CASK: variants seen among roughly 807,000 people sequenced by gnomAD.
CASK encodes calcium/calmodulin dependent serine protein kinase, also known as peripheral plasma membrane protein CASK.
Under a neutral mutation model 82.9 loss-of-function variants are expected in CASK, and 4 were observed. The observed-to-expected ratio is 0.05, with a 90% CI of 0.02 to 0.11. CASK has a LOEUF of 0.11. CASK is among the 10% of genes least tolerant of loss of function. The probability of loss-of-function intolerance (pLI) is 1.00; values close to 1 mark genes in which losing one functional copy is unlikely to be tolerated. For missense variants in CASK, 358 were observed against 720.9 expected, an observed-to-expected ratio of 0.50 and a Z score of 5.76; for synonymous variants, 259 against 253.5, an observed-to-expected ratio of 1.02 and a Z score of -0.20.
chrX:41,754,128 T>G (rs1175187497), intron 3 of CASK, among the ~76,000 whole-genome samples: 1 of 111,591 alleles, frequency 9.0e-6, no homozygotes, highest in Non-Finnish European at 1.9e-5. Flanking sequence ...CCAAGTGCAG[T>G]GCCTCACACC....
intron 2 of CASK, among the ~76,000 whole-genome samples, chrX:41,807,630 T>A (rs776055555): frequency 6.3e-5 from 7 of 110,976 alleles, no homozygotes; most frequent in Non-Finnish European, 1.3e-4. Flanking sequence ...TCTGGCTCAC[T>A]GTTGTGGAGG....
At chrX:41,741,347 C>T (rs1485755400) in intron 4 of CASK, among the ~76,000 whole-genome samples, 1 of 111,811 alleles carries the variant, frequency 8.9e-6, no homozygotes, top group African/African-American at 3.3e-5. Flanking sequence ...ATTATTAGTA[C>T]AATATTATTA....
chrX:41,597,765 G>A (rs2065840259), intron 12 of CASK, among the ~76,000 whole-genome samples: 1 of 111,766 alleles, frequency 8.9e-6, no homozygotes, highest in Non-Finnish European at 1.9e-5. Context: ...TTACTGTACT[G>A]GAACTGATTT....
At chrX:41,781,016 C>T (rs1400505446) in intron 3 of CASK, among the ~76,000 whole-genome samples, 1 of 111,252 alleles carries the variant, frequency 9.0e-6, no homozygotes, top group Non-Finnish European at 1.9e-5. Flanking sequence ...TCTTGGTTCA[C>T]TGCAATTTCT....
At chrX:41,781,693 G>GT (rs1337869001) in intron 3 of CASK, among the ~76,000 whole-genome samples, 1 of 111,570 alleles carries the variant, frequency 9.0e-6, no homozygotes. Context: ...TAGCCAGTAG[G>GT]TGGAACTATA....
intron 16 of CASK, among the ~76,000 whole-genome samples, chrX:41,569,318 C>T (rs2065369314): frequency 8.9e-6 from 1 of 111,838 alleles, no homozygotes; most frequent in Non-Finnish European, 1.9e-5. Context: ...TAATCTAATA[C>T]AGAGATGCTC....
intron 5 of CASK, among the ~76,000 whole-genome samples, chrX:41,691,652 T>A (rs975705181): frequency 9.7e-6 from 1 of 103,269 alleles, no homozygotes; most frequent in Admixed American, 1.0e-4. Context: ...AGGTCAGGAG[T>A]TCAAGACCAG....
At chrX:41,823,777 T>C in intron 2 of CASK, among the ~76,000 whole-genome samples, 1 of 111,547 alleles carries the variant, frequency 9.0e-6, no homozygotes, top group East Asian at 2.8e-4. Context: ...TCTTTAAATT[T>C]AGGTGTTCGT....
intron 25 of CASK, chrX:41,524,245 T>C (rs997299593): frequency 8.3e-5 from 34 of 411,608 alleles, no homozygotes; most frequent in African/African-American, 4.5e-4. Context: ...AAAATAAAAG[T>C]TGGCAAACTG....
At chrX:41,836,319 T>A (rs2070926877) in intron 2 of CASK, among the ~76,000 whole-genome samples, 1 of 112,062 alleles carries the variant, frequency 8.9e-6, no homozygotes, top group African/African-American at 3.2e-5. Flanking sequence ...AGGAGGTGTT[T>A]CATTGAAAAT....
intron 3 of CASK, among the ~76,000 whole-genome samples, chrX:41,784,350 G>A (rs13440826): frequency 8.9e-6 from 1 of 112,239 alleles, no homozygotes. Context: ...ATATATTCAT[G>A]GTAAGCTGTT....
chrX:41,612,053 C>T (rs1322622406), intron 11 of CASK, among the ~76,000 whole-genome samples: 1 of 112,346 alleles, frequency 8.9e-6, no homozygotes, highest in Non-Finnish European at 1.9e-5. Context: ...TCGCTACAAC[C>T]TCCACCTCCC....
intron 8 of CASK, among the ~76,000 whole-genome samples, chrX:41,656,858 G>A (rs1159462439): frequency 2.7e-5 from 3 of 111,313 alleles, no homozygotes. Flanking sequence ...CCCTCCCTAT[G>A]CAGTGGTTCT....
intron 1 of CASK, among the ~76,000 whole-genome samples, chrX:41,900,707 C>G (rs1483179417): frequency 8.3e-5 from 4 of 48,304 alleles, no homozygotes; most frequent in Non-Finnish European, 1.6e-4. Context: ...CACTGAACTT[C>G]TTTTAAGATG....
At chrX:41,911,687 G>A (rs2072569976) in intron 1 of CASK, among the ~76,000 whole-genome samples, 1 of 111,627 alleles carries the variant, frequency 9.0e-6, no homozygotes, top group Admixed American at 9.5e-5. Context: ...TTCACATTAT[G>A]AACAATTAAT....
intron 5 of CASK, among the ~76,000 whole-genome samples, chrX:41,692,176 T>C (rs191994677): frequency 1.1e-4 from 12 of 112,504 alleles, no homozygotes; most frequent in African/African-American, 3.9e-4. Context: ...CAGAAAGTAC[T>C]AAATAAATAT....
chrX:41,622,686 A>C, intron 10 of CASK, 52 bp from the exon 11 acceptor site: 1 of 1,096,970 alleles, frequency 9.1e-7, no homozygotes. Context: ...ATTTTAGAAC[A>C]AGCAGGTTAT....
At chrX:41,850,015 C>A (rs2071231462) in intron 2 of CASK, among the ~76,000 whole-genome samples, 3 of 110,685 alleles carry the variant, frequency 2.7e-5, no homozygotes, top group African/African-American at 9.9e-5. Context: ...CTCATCTCTA[C>A]AAAAAATACA....
Position 41,650,053 on chromosome X carries a change from A to T in CASK, c.831+10386T>A, listed in dbSNP as rs1305611214. Among the ~76,000 whole-genome samples, 6 of 110,605 alleles carry T rather than the reference A, an allele frequency of 5.4e-5. No homozygotes were observed. The Admixed American group carries it at 5.8e-4, about 11-fold the overall frequency. ...TCTTTGTTGGTTTAAAGTCTGTTTTATCAGAGACTAGGATTGCAACCCCTG... is the reference window on the plus strand; with the variant it reads ...TCTTTGTTGGTTTAAAGTCTGTTTTTTCAGAGACTAGGATTGCAACCCCTG... On this transcript the variant is annotated intron_variant, in intron 8 of 26. Coordinates refer to ENST00000378163, the MANE Select transcript of CASK (RefSeq NM_001367721.1).
Sources: gnomAD v4.1 joint callset for allele counts (sites outside exome capture counted in the v4.1 genomes callset) on GRCh38, gnomAD v4.1.1 for gene constraint, MANE v1.5 for transcripts, NCBI Gene and HGNC (gene_info 2026-07-23, HGNC 2026-07-21) for gene names.